Variants in DMD observed in about 807,000 individuals in gnomAD.
DMD encodes mutant dystrophin.
A neutral mutation model predicts 330.1 loss-of-function variants in DMD; 63 were observed. That is an observed-to-expected ratio of 0.19 (90% CI 0.16 to 0.24). The LOEUF (loss-of-function observed/expected upper bound fraction) is 0.24. Among genes scored for constraint, DMD ranks in the 10% least tolerant of loss-of-function variants. The pLI, the probability that DMD is intolerant of heterozygous loss-of-function variation, is 1.00. For synonymous variants in DMD, 1,223 were observed against 959.8 expected (o/e 1.27, Z -5.07); for missense variants, 3,344 against 2,684.1 (o/e 1.25, Z -5.43).
intron 55 of DMD, among the ~76,000 whole-genome samples, chrX:31,545,069 T>C (rs1165207811): frequency 8.9e-6 from 1 of 112,188 alleles, no homozygotes; most frequent in African/African-American, 3.2e-5. Flanking sequence ...CCTGGGGCTC[T>C]AAGGACTCTC....
intron 55 of DMD, among the ~76,000 whole-genome samples, chrX:31,567,958 A>G (rs1415246789): frequency 9.0e-6 from 1 of 111,441 alleles, no homozygotes; most frequent in Admixed American, 9.6e-5. Context: ...AATCTCACTC[A>G]TGTTGATGTT....
At chrX:32,792,544 A>G (rs1270770818) in intron 7 of DMD, among the ~76,000 whole-genome samples, 6 of 112,273 alleles carry the variant, frequency 5.3e-5, no homozygotes, top group African/African-American at 1.9e-4. Flanking sequence ...TAAAAAATAT[A>G]TAACCCAAAA....
At chrX:31,156,298 A>G (rs2038108469) in intron 74 of DMD, among the ~76,000 whole-genome samples, 1 of 112,311 alleles carries the variant, frequency 8.9e-6, no homozygotes, top group Non-Finnish European at 1.9e-5. Flanking sequence ...TAAGACATTT[A>G]CATTTTACTG....
chrX:31,409,920 G>C (rs1229158972), intron 60 of DMD, among the ~76,000 whole-genome samples: 1 of 111,762 alleles, frequency 8.9e-6, no homozygotes, highest in East Asian at 2.8e-4. Context: ...CCGGGTTCCA[G>C]AGATTGTCCT....
At chrX:31,846,006 G>A (rs911923841) in intron 48 of DMD, among the ~76,000 whole-genome samples, 4 of 110,856 alleles carry the variant, frequency 3.6e-5, no homozygotes, top group Admixed American at 1.9e-4. Flanking sequence ...CCAGAATTAG[G>A]TATTCGCCTC....
chrX:31,265,150 A>G (rs1283161493), intron 62 of DMD, among the ~76,000 whole-genome samples: 1 of 112,126 alleles, frequency 8.9e-6, no homozygotes, highest in Non-Finnish European at 1.9e-5. Flanking sequence ...TTCTCTTGCG[A>G]TTTGCAGAGG....
chrX:32,480,438 T>TGTGTGTACATACACAGTATGTGTCTAC (rs1277338899), intron 21 of DMD, among the ~76,000 whole-genome samples: 6 of 110,562 alleles, frequency 5.4e-5, no homozygotes, highest in Admixed American at 9.6e-5. Flanking sequence ...TATGTGTCTA[T>TGTGTGTACATACACAGTATGTGTCTAC]GTGTGTACAT....
chrX:32,367,389 C>T (rs752990180), intron 34 of DMD, among the ~76,000 whole-genome samples: 6 of 112,138 alleles, frequency 5.4e-5, no homozygotes, highest in East Asian at 5.6e-4. Flanking sequence ...ACTGGCATCT[C>T]GCTGTAGTTG....
intron 1 of DMD, chrX:33,339,195 T>C (rs1363961496): frequency 3.0e-6 from 3 of 1,011,293 alleles, no homozygotes; most frequent in Admixed American, 5.0e-5. Context: ...TGTTCAAACA[T>C]ATGCTTTGTC....
intron 7 of DMD, among the ~76,000 whole-genome samples, chrX:32,773,742 G>A (rs151231559): frequency 0.011 from 1,157 of 109,842 alleles, 20 homozygotes; most frequent in African/African-American, 0.036. Flanking sequence ...TCTTTCTCTC[G>A]CTCTCCTTTT....
intron 50 of DMD, among the ~76,000 whole-genome samples, chrX:31,784,915 G>GT (rs2091215647): frequency 8.9e-6 from 1 of 111,997 alleles, no homozygotes; most frequent in Non-Finnish European, 1.9e-5. Flanking sequence ...TGTAATCCCA[G>GT]TGTAAATCAA....
chrX:32,479,212 T>C (rs2041563916), intron 21 of DMD, among the ~76,000 whole-genome samples: 1 of 111,712 alleles, frequency 9.0e-6, no homozygotes, highest in Admixed American at 9.6e-5. Flanking sequence ...TTTTGATCTA[T>C]GTATGCATTG....
intron 45 of DMD, among the ~76,000 whole-genome samples, chrX:31,963,511 A>C (rs1011200984): frequency 9.0e-6 from 1 of 111,479 alleles, no homozygotes; most frequent in Non-Finnish European, 1.9e-5. Context: ...TGAAAATATT[A>C]TCTCCTTTGG....
At chrX:32,671,863 G>A (rs2061656669) in intron 9 of DMD, among the ~76,000 whole-genome samples, 2 of 111,428 alleles carry the variant, frequency 1.8e-5, no homozygotes, top group African/African-American at 3.2e-5. Flanking sequence ...CTTTTTATAT[G>A]CTTATGCTTT....
chrX:31,929,845 T>A, intron 46 of DMD, 100 bp from the exon 47 acceptor site: 1 of 1,034,106 alleles, frequency 9.7e-7, no homozygotes, highest in Non-Finnish European at 1.3e-6. Flanking sequence ...ATGAAGCGAC[T>A]TGACCGAGGG....
At chrX:33,196,108 A>G (rs949009475) in intron 1 of DMD, among the ~76,000 whole-genome samples, 5 of 111,638 alleles carry the variant, frequency 4.5e-5, no homozygotes, top group Non-Finnish European at 7.5e-5. Flanking sequence ...ATTCTTTTAA[A>G]CAATATTCTA....
At chrX:32,794,015 T>C (rs937823896) in intron 7 of DMD, among the ~76,000 whole-genome samples, 3 of 111,041 alleles carry the variant, frequency 2.7e-5, no homozygotes, top group Admixed American at 9.6e-5. Flanking sequence ...CAATAGAACA[T>C]AAAAAATGTA....
At chrX:32,864,745 G>C (rs1262101657) in intron 2 of DMD, among the ~76,000 whole-genome samples, 1 of 111,830 alleles carries the variant, frequency 8.9e-6, no homozygotes, top group Non-Finnish European at 1.9e-5. Flanking sequence ...CAAATTGTTC[G>C]AATGTATAAT....
intron 16 of DMD, among the ~76,000 whole-genome samples, chrX:32,561,765 GA>G (rs926444770): frequency 2.7e-5 from 3 of 111,569 alleles, no homozygotes; most frequent in Non-Finnish European, 3.8e-5. Flanking sequence ...TTAAATGAAA[GA>G]AAAAATGTTA....
Sources: allele counts gnomAD v4.1 joint callset (sites outside exome capture counted in the v4.1 genomes callset), GRCh38; gene constraint gnomAD v4.1.1; transcripts MANE v1.5; gene names NCBI Gene and HGNC (gene_info 2026-07-23, HGNC 2026-07-21).